CIAO3: variants seen among roughly 807,000 people sequenced by gnomAD.
The protein encoded by CIAO3 is cytosolic iron-sulfur assembly component 3, also known as LET1 like/JFP15.
A neutral mutation model predicts 51.5 loss-of-function variants in CIAO3; 45 were observed. That is an observed-to-expected ratio of 0.87 (90% confidence interval 0.69 to 1.12). The LOEUF (loss-of-function observed/expected upper bound fraction) is 1.12, where lower values mean the gene tolerates loss of function less well. CIAO3 is among the 50% of genes most tolerant of loss of function. The probability of loss-of-function intolerance (pLI) is 0.00; values close to 1 mark genes in which losing one functional copy is unlikely to be tolerated. For missense variants in CIAO3, 668 were observed against 632.5 expected (o/e 1.06, Z -0.60); for synonymous variants, 314 against 269.3 (o/e 1.17, Z -1.63).
chr16:740,179 A>T, intron 1 of CIAO3: 1 of 1,177,442 alleles, frequency 8.5e-7, no homozygotes, highest in Non-Finnish European at 1.1e-6. Flanking sequence ...GAACCCTGGC[A>T]GCCCAGAAAG....
Position 734,362 on chromosome 16 carries a change from G to T in CIAO3, c.575-15C>A, listed in dbSNP as rs1367530850. ...GCAGATCCAGCCTGAGGTGACAGGGGGCACACGGGGCTGGCGGGGGCGCAC... is the reference window on the plus strand; with the variant it reads ...GCAGATCCAGCCTGAGGTGACAGGGTGCACACGGGGCTGGCGGGGGCGCAC... On this transcript the variant is annotated splice_polypyrimidine_tract_variant and intron_variant, in intron 5 of 10. Coordinates refer to ENST00000251588, the MANE Select transcript of CIAO3 (RefSeq NM_022493.3). The T allele has an allele frequency of 6.3e-7, 1 of 1,589,968 alleles. No homozygotes were observed. The highest frequency in any genetic ancestry group is 8.6e-7 in the Non-Finnish European group (1 of 1,165,712).
Position 733,798 on chromosome 16 carries a change from G to T in CIAO3, c.694-371C>A, listed in dbSNP as rs74963403. 2,572 of 372,726 alleles carry T rather than the reference G, an allele frequency of 6.9e-3. 64 individuals are homozygous for T. The highest frequency in any genetic ancestry group is 0.05 in the African/African-American group (2,405 of 47,978). 23.1% of individuals were successfully genotyped at this position (372,726 alleles called of 1,614,324 possible). A position where few individuals can be genotyped will look rare whatever the true frequency, so the allele number is the denominator to read the frequency against. ...ATCCGCGTGCAGTCAGGCAAGAGGT[G>T]CCGCAGGGGACATGGGCGCTCGAGG... is the stretch of plus-strand genomic sequence containing the variant. On this transcript the variant is annotated intron_variant, in intron 6 of 10. Transcript: ENST00000251588.
rs141849857 is a variant in CIAO3, at chr16:731,613, C to T, written c.986G>A (p.Arg329Gln). 56 of 1,563,174 alleles carry T rather than the reference C, an allele frequency of 3.6e-5. 1 individual carries two copies. The African/African-American group carries it at 4.5e-4, about 13-fold the overall frequency. The part of the protein sequence containing the change: ...YLEHVFRHAA[R>Q]ELFGIHVAEV... ...AGCCACATGGATTCCAAAGAGCTCT[C>T]GGGCCGCGTGCCGGAACACGTGCTC... The change falls in exon 9 of 11, where the codon CGA (arginine) becomes CAA (glutamine). Residue 329 changes from arginine (R) to glutamine (Q), a missense_variant. Arg to Gln is a conservative substitution (Grantham distance 43, BLOSUM62 1). Coordinates refer to ENST00000251588, the MANE Select transcript of CIAO3 (RefSeq NM_022493.3).
intron 6 of CIAO3, 77 bp downstream of exon 6, chr16:734,152 G>T: frequency 7.7e-7 from 1 of 1,291,840 alleles, no homozygotes; most frequent in Non-Finnish European, 1.1e-6. Flanking sequence ...GTTTCCTGCA[G>T]CCTCATGGCA....
intron 1 of CIAO3, 85 bp from the exon 2 acceptor site, chr16:739,823 C>T (rs1596676705): frequency 2.6e-5 from 37 of 1,415,284 alleles, no homozygotes; most frequent in South Asian, 2.6e-4. Flanking sequence ...GGCTGCCCAG[C>T]CGCACAGCCT....
In CIAO3 at chr16:730,468, C is replaced by T. The variant is rs755192432; in HGVS notation, c.1380G>A (p.Thr460=). 2.2e-5 allele frequency: 36 copies of T among 1,607,542 alleles called. 1 individual carries two copies. The highest frequency in any genetic ancestry group is 1.2e-4 in the Admixed American group (7 of 60,004). Residue 460 remains threonine, a synonymous_variant, in exon 11 of 11, where the codon ACG becomes ACA. Coordinates refer to ENST00000251588, the MANE Select transcript of CIAO3 (RefSeq NM_022493.3). ...DSECAGRLLH[T]QYHAVEKAST... Reference sequence around the variant, plus strand: ...TGGCCTTCTCCACGGCGTGGTACTGCGTATGCAGCAAGCGACCTGCACACT... The same window carrying T: ...TGGCCTTCTCCACGGCGTGGTACTGTGTATGCAGCAAGCGACCTGCACACT...
chr16:730,599 G>A lies in CIAO3; in HGVS notation c.1249C>T (p.Leu417Phe). Reference protein sequence around the residue: ...QAPDRPSRELLQHVERLYGMV... With the variant: ...QAPDRPSRELFQHVERLYGMV... The stretch of plus-strand genomic sequence containing the variant: ...CCGTACAGTCTCTCCACGTGCTGGA[G>A]GAGCTCTCTGCTGGGCCTGTCTGGG... Residue 417 changes from leucine (L) to phenylalanine (F), a missense_variant, in exon 11 of 11, where the codon CTC becomes TTC. Leu to Phe is a conservative substitution (Grantham distance 22, BLOSUM62 0). Coordinates refer to ENST00000251588, the MANE Select transcript of CIAO3 (RefSeq NM_022493.3). 1.2e-6 allele frequency: 2 copies of A among 1,610,728 alleles called. No individual in the cohort carries two copies. Among genetic ancestry groups the A allele is most frequent in the Non-Finnish European group, 1.7e-6 (2 of 1,179,974 alleles).
At chr16:735,206 C>G (rs541025853) in intron 4 of CIAO3, 30 of 275,098 alleles carry the variant, frequency 1.1e-4, no homozygotes, top group Middle Eastern at 2.3e-3. Flanking sequence ...GCGCTGCTCC[C>G]GGTGACCCTC....
In CIAO3 at chr16:730,383, A is replaced by C. The variant is rs1244133810; in HGVS notation, c.*34T>G. On this transcript the variant is annotated 3_prime_UTR_variant, in exon 11 of 11. Transcript: ENST00000251588. ...CATGTGGTTCTGCTGTCACACATGG[A>C]CACGGCCTCCTGGGAGTCCTGGTCC... The C allele has an allele frequency of 1.9e-6, 3 of 1,584,066 alleles. No individual in the cohort carries two copies. Among genetic ancestry groups the C allele is most frequent in the Non-Finnish European group, 2.6e-6 (3 of 1,167,478 alleles).
chr16:734,272 T>C lies in CIAO3; in HGVS notation c.650A>G (p.Gln217Arg). The change falls in exon 6 of 11, where the codon CAG (glutamine) becomes CGG (arginine). Residue 217 changes from glutamine (Q) to arginine (R), a missense_variant. Gln to Arg is a conservative substitution (Grantham distance 43). Transcript: ENST00000251588. ...GTCCTTGACCAGGGAGCCCATGACC[T>C]GCTGCGGGGACCGGGCGGTGCTGAT... ...PHISTARSPQ[Q>R]VMGSLVKDFF... 1 of 1,612,062 alleles carries C rather than the reference T, an allele frequency of 6.2e-7. No individual in the cohort carries two copies. The highest frequency in any genetic ancestry group is 1.1e-5 in the South Asian group (1 of 91,084).
chr16:733,507 G>A (rs867893981), intron 6 of CIAO3, 80 bp from the exon 7 acceptor site: 1 of 1,596,976 alleles, frequency 6.3e-7, no homozygotes, highest in Non-Finnish European at 8.5e-7. Context: ...CAGCCATCCT[G>A]CAGCCAGGCC....
intron 9 of CIAO3, chr16:731,238 C>T (rs1294172130): frequency 3.1e-6 from 2 of 635,350 alleles, no homozygotes; most frequent in African/African-American, 1.8e-5. Flanking sequence ...CCTCCCTCCC[C>T]AGGGATGTCT....
Position 737,599 on chromosome 16 carries a change from C to T in CIAO3, c.163-270G>A. The T allele has an allele frequency of 7.0e-7, 1 of 1,424,596 alleles. No individual in the cohort carries two copies. Among genetic ancestry groups the T allele is most frequent in the Non-Finnish European group, 9.3e-7 (1 of 1,076,940 alleles). 88.2% of individuals were successfully genotyped at this position (1,424,596 alleles called of 1,614,324 possible). A position where few individuals can be genotyped will look rare whatever the true frequency, so the allele number is the denominator to read the frequency against. ...GCTTGCCACTGGTATCTCAGCAAAGCAGCAGCCACCCCACTCACCCATGGG... is the reference window on the plus strand; with the variant it reads ...GCTTGCCACTGGTATCTCAGCAAAGTAGCAGCCACCCCACTCACCCATGGG... On this transcript the variant is annotated intron_variant, in intron 2 of 10. Transcript: ENST00000251588. The surrounding 1 kb of genome is among the most constrained non-coding windows in gnomAD (Gnocchi z 5.3).
intron 10 of CIAO3, 83 bp downstream of exon 10, chr16:730,760 C>T: frequency 1.3e-6 from 2 of 1,584,508 alleles, no homozygotes; most frequent in Admixed American, 1.7e-5. Context: ...GCCCCACTTC[C>T]TCCCACTCCC....
chr16:732,545 C>T, intron 7 of CIAO3, 172 bp from the exon 8 acceptor site: 1 of 744,508 alleles, frequency 1.3e-6, no homozygotes, highest in Non-Finnish European at 2.3e-6. Context: ...TGAAGCCCCT[C>T]TGGAGGCTGC....
At chr16:734,179 A>G (rs2041313740) in intron 6 of CIAO3, 50 bp downstream of exon 6, 4 of 1,532,900 alleles carry the variant, frequency 2.6e-6, no homozygotes, top group Non-Finnish European at 3.6e-6. Flanking sequence ...CAGCAAAGTC[A>G]CTTCTGGCCG....
intron 6 of CIAO3, chr16:733,820 G>A (rs1330562129): frequency 1.4e-5 from 5 of 359,698 alleles, no homozygotes; most frequent in Admixed American, 8.6e-5. Flanking sequence ...ATGGGCGCTC[G>A]AGGCCCAGGC....
At chr16:733,962 A>G (rs1165274579) in intron 6 of CIAO3, 2 of 463,424 alleles carry the variant, frequency 4.3e-6, no homozygotes, top group East Asian at 8.5e-5. Context: ...GGTGGGCTCC[A>G]GGCCCGGACT....
At chr16:731,766 C>T (rs2041285864) in intron 8 of CIAO3, 64 bp from the exon 9 acceptor site, 5 of 1,472,250 alleles carry the variant, frequency 3.4e-6, no homozygotes, top group East Asian at 5.1e-5. Context: ...CCGAGCAGGG[C>T]CTCTGTCCCT....
Sources: allele counts gnomAD v4.1 joint callset, GRCh38; gene constraint gnomAD v4.1.1; non-coding constraint Gnocchi (gnomAD v3.1); transcripts MANE v1.5; gene names NCBI Gene and HGNC (gene_info 2026-07-23, HGNC 2026-07-21).